Variants in ANKRD18A observed in about 807,000 individuals in gnomAD.
ANKRD18A encodes ankyrin repeat domain-containing protein 18A.
Under a neutral mutation model 110.6 loss-of-function variants are expected in ANKRD18A, and 72 were observed. That is an observed-to-expected ratio of 0.65 (90% confidence interval 0.54 to 0.79). The LOEUF is 0.79. ANKRD18A is among the 30% of genes least tolerant of loss of function. The pLI, the probability that ANKRD18A is intolerant of heterozygous loss-of-function variation, is 0.00. For missense variants in ANKRD18A, 934 were observed against 1,163.3 expected, an observed-to-expected ratio of 0.80 and a Z score of 2.87; for synonymous variants, 305 against 410.3, an observed-to-expected ratio of 0.74 and a Z score of 3.10.
In ANKRD18A at chr9:38,596,389, G is replaced by A. The variant is rs773692888; in HGVS notation, c.951C>T (p.Tyr317=). The A allele has an allele frequency of 7.6e-5, 110 of 1,441,186 alleles. 1 individual carries two copies. The South Asian group carries it at 9.8e-4, about 13-fold the overall frequency. The allele number at this position is 1,441,186 out of a possible 1,614,324, so 89.3% of individuals were successfully genotyped here. ...CATACATCGCATCCTTCTTTTTTCCGTAACTTTGAGAATCCTAAATAAAAC... is the reference window on the plus strand; with the variant it reads ...CATACATCGCATCCTTCTTTTTTCCATAACTTTGAGAATCCTAAATAAAAC... ...ENKQPQDSQS[Y]GKKKDAMYGN... The change falls in exon 9 of 16, where the codon TAC becomes TAT. Residue 317 remains tyrosine, a synonymous_variant. Transcript: ENST00000399703.
intron 10 of ANKRD18A, among the ~76,000 whole-genome samples, chr9:38,591,033 T>C (rs1419264956): frequency 6.6e-6 from 1 of 152,016 alleles, no homozygotes; most frequent in Non-Finnish European, 1.5e-5. Context: ...TGATCACCGC[T>C]CACTGCAGCC....
At chr9:38,570,689 C>T (rs1823605728), downstream of ANKRD18A, among the ~76,000 whole-genome samples, 1 of 152,252 alleles carries the variant, frequency 6.6e-6, no homozygotes, top group South Asian at 2.1e-4. Context: ...TACAATGCCA[C>T]CATCAGCTCA....
intron 1 of ANKRD18A, among the ~76,000 whole-genome samples, 157 bp downstream of exon 1, chr9:38,619,923 G>T (rs1826012631): frequency 6.6e-6 from 1 of 152,186 alleles, no homozygotes. Flanking sequence ...GCGACGGACG[G>T]GGAATTGCCA....
intron 15 of ANKRD18A, among the ~76,000 whole-genome samples, chr9:38,574,995 G>C (rs1376880773): frequency 6.6e-6 from 1 of 151,822 alleles, no homozygotes; most frequent in Non-Finnish European, 1.5e-5. Flanking sequence ...TTGGGAGGCT[G>C]AGGCAGGAGA....
intron 12 of ANKRD18A, among the ~76,000 whole-genome samples, chr9:38,585,308 A>G (rs1445147027): frequency 6.6e-6 from 1 of 152,184 alleles, no homozygotes; most frequent in African/African-American, 2.4e-5. Flanking sequence ...CCAGTTTTAG[A>G]CAACAGATTT....
intron 11 of ANKRD18A, among the ~76,000 whole-genome samples, chr9:38,588,120 C>T (rs62541428): frequency 3.0e-4 from 46 of 151,938 alleles, no homozygotes; most frequent in African/African-American, 8.9e-4. Flanking sequence ...TAAAAATAGG[C>T]GTAATGTTTT....
At chr9:38,607,985 T>C (rs541320214) in intron 5 of ANKRD18A, among the ~76,000 whole-genome samples, 83 of 152,358 alleles carry the variant, frequency 5.4e-4, no homozygotes, top group African/African-American at 1.9e-3. Context: ...GAATCTCAAA[T>C]AAAACCTGAT....
chr9:38,581,780 A>G (rs1824176789), intron 12 of ANKRD18A, among the ~76,000 whole-genome samples: 1 of 152,170 alleles, frequency 6.6e-6, no homozygotes, highest in South Asian at 2.1e-4. Context: ...TTGAAATTCA[A>G]AATACTAATC....
intron 11 of ANKRD18A, among the ~76,000 whole-genome samples, chr9:38,588,311 T>G (rs1321633936): frequency 1.3e-5 from 2 of 152,168 alleles, no homozygotes; most frequent in African/African-American, 4.8e-5. Context: ...ACTTATTGTG[T>G]TTTTATACTG....
At chr9:38,619,214 T>C (rs999585849) in intron 1 of ANKRD18A, among the ~76,000 whole-genome samples, 1 of 152,192 alleles carries the variant, frequency 6.6e-6, no homozygotes, top group Non-Finnish European at 1.5e-5. Flanking sequence ...CTTTTTCTCA[T>C]TTTGCATGTG....
rs1206081364 is a variant in ANKRD18A at position 38,610,392 on chromosome 9, T to A, written c.621A>T (p.Ala207=). The change falls in exon 5 of 16, where the codon GCA becomes GCT. Residue 207 remains alanine (A), a synonymous_variant. Coordinates refer to ENST00000399703, the MANE Select transcript of ANKRD18A (RefSeq NM_147195.4). Reference sequence around the variant, plus strand: ...CGATACTTGACAAGTTATGCTGTACTGCAAGTATGAGGGCTGTTCTAAAAT... The same window carrying A: ...CGATACTTGACAAGTTATGCTGTACAGCAAGTATGAGGGCTGTTCTAAAAT... ...DNFKRTALIL[A]VQHNLSSIVT... 2 of 1,547,238 alleles carry A rather than the reference T, an allele frequency of 1.3e-6. No homozygotes were observed. Among genetic ancestry groups the A allele is most frequent in the African/African-American group, 2.7e-5 (2 of 72,906 alleles).
intron 12 of ANKRD18A, among the ~76,000 whole-genome samples, chr9:38,584,430 G>T (rs1382404717): frequency 6.6e-6 from 1 of 152,200 alleles, no homozygotes; most frequent in Non-Finnish European, 1.5e-5. Context: ...GCTAAATGAT[G>T]TGGGGTTTGT....
chr9:38,578,743 G>T (rs1220755619), intron 12 of ANKRD18A, among the ~76,000 whole-genome samples: 1 of 152,084 alleles, frequency 6.6e-6, no homozygotes, highest in African/African-American at 2.4e-5. Flanking sequence ...AATTAGCCAG[G>T]CATGGTGGCT....
chr9:38,587,151 G>T (rs1824421240), intron 11 of ANKRD18A, among the ~76,000 whole-genome samples: 1 of 152,034 alleles, frequency 6.6e-6, no homozygotes. Flanking sequence ...AAAGAAAACG[G>T]GCAGTTTTAG....
chr9:38,571,007 G>C, downstream of ANKRD18A: 1 of 1,174,400 alleles, frequency 8.5e-7, no homozygotes, highest in Non-Finnish European at 1.1e-6. Context: ...CCCCGACCTA[G>C]AGACACAGCA....
intron 5 of ANKRD18A, among the ~76,000 whole-genome samples, chr9:38,609,943 A>G (rs944241421): frequency 3.3e-5 from 5 of 149,820 alleles, no homozygotes; most frequent in African/African-American, 1.2e-4. Context: ...CTTGTCTCAA[A>G]AAAAAAAAAA....
At chr9:38,614,554 G>C (rs12353253) in intron 3 of ANKRD18A, among the ~76,000 whole-genome samples, 17,922 of 152,144 alleles carry the variant, frequency 0.12, 1,135 homozygotes, top group Non-Finnish European at 0.13. Flanking sequence ...AATTTCCCCA[G>C]GTCATTGTAA....
intron 12 of ANKRD18A, among the ~76,000 whole-genome samples, chr9:38,580,775 T>C (rs376171273): frequency 0.032 from 4,781 of 150,544 alleles, 101 homozygotes; most frequent in African/African-American, 0.056. Flanking sequence ...GAATAGAATA[T>C]GGGCCATCCT....
rs1175092498 is a variant in ANKRD18A at position 38,577,497 on chromosome 9, C to G, written c.2530-233G>C. 2.0e-5 allele frequency among the ~76,000 whole-genome samples: 3 copies of G among 152,000 alleles called. No individual in the cohort carries two copies. In the East Asian group the frequency reaches 5.8e-4, roughly 29 times the overall value. On this transcript the variant is annotated intron_variant, in intron 13 of 15. Transcript: ENST00000399703. ...ATGTTAGTATTAATGTAATCTTGTC[C>G]TATAAAAAGTAATAGAATCCATTTA...
Sources: gnomAD v4.1 joint callset for allele counts (sites outside exome capture counted in the v4.1 genomes callset) on GRCh38, gnomAD v4.1.1 for gene constraint, MANE v1.5 for transcripts, NCBI Gene and HGNC (gene_info 2026-07-23, HGNC 2026-07-21) for gene names.